Variants in CROCC observed in about 807,000 individuals in gnomAD.
CROCC encodes rootletin.
Under a neutral mutation model 245.2 loss-of-function variants are expected in CROCC, and 180 were observed. The observed-to-expected ratio is 0.73, with a 90% CI of 0.65 to 0.83. The LOEUF (loss-of-function observed/expected upper bound fraction) is 0.83, where lower values mean the gene tolerates loss of function less well. Among genes scored for constraint, CROCC ranks in the 40% least tolerant of loss-of-function variants. The probability of loss-of-function intolerance (pLI) is 0.00; values close to 1 mark genes in which losing one functional copy is unlikely to be tolerated. For synonymous variants in CROCC, 1,205 were observed against 1,241.6 expected (o/e 0.97, Z 0.62); for missense variants, 2,688 against 2,779.4 (o/e 0.97, Z 0.74).
At chr1:16,969,444 CAGTT>C in intron 32 of CROCC, 104 bp downstream of exon 32, 2 of 1,148,950 alleles carry the variant, frequency 1.7e-6, no homozygotes, top group Non-Finnish European at 2.5e-6. Context: ...ATGGGGCAGT[CAGTT>C]GGAGCCAATG....
rs2076542930 is a variant in CROCC, at chr1:16,972,656, C to T, written c.*210C>T. 1 of 491,502 alleles carries T rather than the reference C, an allele frequency of 2.0e-6. No homozygotes were observed. Among genetic ancestry groups the T allele is most frequent in the South Asian group, 2.8e-5 (1 of 35,228 alleles). 30.4% of individuals were successfully genotyped at this position (491,502 alleles called of 1,614,324 possible). A position where few individuals can be genotyped will look rare whatever the true frequency, so the allele number is the denominator to read the frequency against. On this transcript the variant is annotated 3_prime_UTR_variant, in exon 37 of 37. Transcript: ENST00000375541. ...ACACCTGCAGTCCAGCCCCCCTCTT[C>T]TAGGATGAGCCACTGTAGATCATTA...
rs562663197 is a variant in CROCC, at chr1:16,932,494, C to T, written c.956+1097C>T. ...GGAAGCGAGTGGTCAGTGATATGTA[C>T]GTGGAACAGAGGGAATGTCCTCGAG... On this transcript the variant is annotated intron_variant, in intron 8 of 36. Transcript: ENST00000375541. Among the ~76,000 whole-genome samples, 50 of 152,192 alleles carry T rather than the reference C, an allele frequency of 3.3e-4. No individual in the cohort carries two copies. In the South Asian group the frequency reaches 5.8e-3, roughly 18 times the overall value.
chr1:16,922,257 G>T (rs768972632), intron 1 of CROCC, among the ~76,000 whole-genome samples, 179 bp downstream of exon 1: 6 of 152,266 alleles, frequency 3.9e-5, no homozygotes, highest in Admixed American at 1.3e-4. Context: ...GTACACACAG[G>T]GTGCACCTGC....
At chr1:16,957,939 C>T (rs35954331) in intron 25 of CROCC, among the ~76,000 whole-genome samples, 21,747 of 152,042 alleles carry the variant, frequency 0.14, 1,681 homozygotes, top group South Asian at 0.21. Flanking sequence ...GGACGCGTTG[C>T]ATGCTACGGC....
At chr1:16,932,091 G>T (rs1182207543) in intron 8 of CROCC, among the ~76,000 whole-genome samples, 1 of 152,224 alleles carries the variant, frequency 6.6e-6, no homozygotes, top group East Asian at 1.9e-4. Flanking sequence ...TAATCCACTA[G>T]AATATTCAGC....
chr1:16,940,325 G>A (rs1420338896), intron 13 of CROCC, among the ~76,000 whole-genome samples: 3 of 152,134 alleles, frequency 2.0e-5, no homozygotes, highest in African/African-American at 4.8e-5. Flanking sequence ...CTGGGTTCAC[G>A]CCATTCTCCT....
In CROCC at chr1:16,939,995, G is replaced by A. The variant is rs768887270; in HGVS notation, c.1710G>A (p.Leu570=). Residue 570 remains leucine, a synonymous_variant, in exon 13 of 37, where the codon CTG becomes CTA. Coordinates refer to ENST00000375541, the MANE Select transcript of CROCC (RefSeq NM_014675.5). ...ESERRALEEQ[L]QRLRDKTDGA... ...AGCGGCGGGCCCTAGAGGAACAGCT[G>A]CAGCGCCTGCGGGACAAGACCGACG... The A allele has an allele frequency of 1.2e-6, 2 of 1,612,052 alleles. No homozygotes were observed. The highest frequency in any genetic ancestry group is 2.7e-5 in the African/African-American group (2 of 74,930).
At chr1:16,959,960 CAAAA>C (rs905680578) in intron 26 of CROCC, among the ~76,000 whole-genome samples, 2 of 142,184 alleles carry the variant, frequency 1.4e-5, no homozygotes, top group South Asian at 2.2e-4. Context: ...AAACAAAAAA[CAAAA>C]AAAAAAACAG....
In CROCC at chr1:16,954,769, C is replaced by A. The variant is rs1165479706; in HGVS notation, c.3357C>A (p.Asp1119Glu). Residue 1119 changes from aspartate to glutamate, a missense_variant, in exon 23 of 37, where the codon GAC becomes GAA. Asp to Glu is a conservative substitution (Grantham distance 45). Transcript: ENST00000375541. The surrounding 1 kb of genome is among the most constrained non-coding windows in gnomAD (Gnocchi z 4.4). The part of the protein sequence containing the change: ...TVNALTSELR[D>E]LRAQREEAAA... ...ACGCTCTGACGTCTGAGCTGCGGGA[C>A]CTACGGGCCCAGCGGGAGGAGGCTG... The A allele has an allele frequency of 6.4e-7, 1 of 1,555,104 alleles. No individual in the cohort carries two copies. The highest frequency in any genetic ancestry group is 1.4e-5 in the African/African-American group (1 of 73,268).
intron 31 of CROCC, 200 bp from the exon 32 acceptor site, chr1:16,968,916 T>C (rs1228956055): frequency 1.1e-5 from 7 of 666,402 alleles, no homozygotes. Flanking sequence ...CACTAGTAGT[T>C]AGCCAGCAAT....
rs765315853 is a variant in CROCC at position 16,924,324 on chromosome 1, G to A, written c.197-1G>A. On this transcript the variant is annotated splice_acceptor_variant, in intron 2 of 36. Transcript: ENST00000375541. LOFTEE classifies it high-confidence loss of function. ...ACCATGTGCCCACTGTCCCTTGCCAGTCCTGCTGCCGGCCACAGAGATGGC... is the reference window on the plus strand; with the variant it reads ...ACCATGTGCCCACTGTCCCTTGCCAATCCTGCTGCCGGCCACAGAGATGGC... The A allele has an allele frequency of 3.1e-6, 5 of 1,611,662 alleles. No individual in the cohort carries two copies. In the Admixed American group the frequency reaches 8.3e-5, roughly 27 times the overall value.
In CROCC at chr1:16,971,565, G is replaced by C; in HGVS notation, c.5885G>C (p.Arg1962Pro). ...CTGCAGCAGGAGGTGGAGCGGCTGCGCAGCGCCCAGGCGCAGACTGAGCGC... is the reference window on the plus strand; with the variant it reads ...CTGCAGCAGGAGGTGGAGCGGCTGCCCAGCGCCCAGGCGCAGACTGAGCGC... ...LELQQEVERL[R>P]SAQAQTERTL... Residue 1962 changes from arginine (R) to proline (P), a missense_variant, in exon 36 of 37, where the codon CGC becomes CCC. Around this residue, in one of 9 missense-constraint regions of CROCC, gnomAD observed 1,218 missense variants for 1,286.3 expected, o/e 0.95. Transcript: ENST00000375541. 1 of 1,536,324 alleles carries C rather than the reference G, an allele frequency of 6.5e-7. No homozygotes were observed. The highest frequency in any genetic ancestry group is 8.7e-7 in the Non-Finnish European group (1 of 1,145,892).
At chr1:16,936,971 C>A (rs1381161463) in intron 9 of CROCC, 98 bp downstream of exon 9, 4 of 1,264,770 alleles carry the variant, frequency 3.2e-6, no homozygotes, top group African/African-American at 2.9e-5. Flanking sequence ...AGGGGAAGGG[C>A]CTTCCTCTGT....
intron 3 of CROCC, among the ~76,000 whole-genome samples, chr1:16,927,630 A>G (rs1274100276): frequency 6.6e-6 from 1 of 152,286 alleles, no homozygotes; most frequent in African/African-American, 2.4e-5. Flanking sequence ...CACTACACAC[A>G]CAGTGTCCTG....
chr1:16,942,914 T>A (rs2075962828), intron 13 of CROCC, among the ~76,000 whole-genome samples: 1 of 152,234 alleles, frequency 6.6e-6, no homozygotes, highest in African/African-American at 2.4e-5. Flanking sequence ...GAGACCAGCC[T>A]GGCCAACATG....
intron 25 of CROCC, among the ~76,000 whole-genome samples, chr1:16,957,511 C>T (rs905324491): frequency 1.3e-5 from 2 of 152,104 alleles, no homozygotes; most frequent in African/African-American, 2.4e-5. Context: ...GGCGCAATCT[C>T]GGCTCACTGC....
chr1:16,926,638 G>A (rs2075540417), intron 3 of CROCC, among the ~76,000 whole-genome samples: 1 of 152,264 alleles, frequency 6.6e-6, no homozygotes, highest in African/African-American at 2.4e-5. Flanking sequence ...CCAGCCGAGA[G>A]AGAGGACCTC....
chr1:16,925,140 C>T (rs2100331728), intron 3 of CROCC, among the ~76,000 whole-genome samples: 1 of 152,396 alleles, frequency 6.6e-6, no homozygotes, highest in East Asian at 1.9e-4. Flanking sequence ...CTCCGGGTGG[C>T]CGGGAGGTGG....
chr1:16,923,417 G>A (rs1258436021), intron 2 of CROCC, among the ~76,000 whole-genome samples: 2 of 152,290 alleles, frequency 1.3e-5, no homozygotes, highest in African/African-American at 2.4e-5. Context: ...CCCCAGACAG[G>A]GAGAGACTCA....
Sources: gnomAD v4.1 joint callset for allele counts (sites outside exome capture counted in the v4.1 genomes callset) on GRCh38, gnomAD v4.1.1 for gene constraint, gnomAD v4.1.1 regional missense constraint, Gnocchi (gnomAD v3.1) non-coding constraint, MANE v1.5 for transcripts, NCBI Gene and HGNC (gene_info 2026-07-23, HGNC 2026-07-21) for gene names.